The following PITPNC1 variants were observed in gnomAD, a reference collection of about 807,000 sequenced individuals.
PITPNC1 encodes the protein phosphatidylinositol transfer protein cytoplasmic 1.
A neutral mutation model predicts 44.7 loss-of-function variants in PITPNC1; 18 were observed. The observed-to-expected ratio is 0.40, with a 90% CI of 0.28 to 0.60. The LOEUF is 0.60. PITPNC1 is among the 20% of genes least tolerant of loss of function. The pLI, the probability that PITPNC1 is intolerant of heterozygous loss-of-function variation, is 0.39. For missense variants in PITPNC1, 290 were observed against 418.4 expected, an observed-to-expected ratio of 0.69 and a Z score of 2.68; for synonymous variants, 141 against 149.6, an observed-to-expected ratio of 0.94 and a Z score of 0.42.
At chr17:67,483,174 G>A (rs756518331) in intron 1 of PITPNC1, among the ~76,000 whole-genome samples, 7 of 152,204 alleles carry the variant, frequency 4.6e-5, no homozygotes, top group Non-Finnish European at 1.0e-4. Flanking sequence ...CAGAAGAGCT[G>A]CAGAGATCAT....
intron 7 of PITPNC1, 126 bp downstream of exon 7, chr17:67,669,789 G>A: frequency 1.5e-6 from 1 of 671,028 alleles, no homozygotes; most frequent in Non-Finnish European, 2.5e-6. Context: ...AACACTTTTT[G>A]GGCCGGTTGG....
intron 1 of PITPNC1, among the ~76,000 whole-genome samples, chr17:67,524,080 G>C (rs1490348644): frequency 6.6e-6 from 1 of 152,106 alleles, no homozygotes; most frequent in Non-Finnish European, 1.5e-5. Context: ...AAAGTGCTGG[G>C]ATTGCAGGCG....
At chr17:67,378,933 C>G (rs1035418596) in intron 1 of PITPNC1, 6 of 981,558 alleles carry the variant, frequency 6.1e-6, no homozygotes, top group Non-Finnish European at 7.3e-6. Flanking sequence ...CCGCGGCTGC[C>G]GGCTGGGGGC....
chr17:67,504,118 C>T (rs533407780), intron 1 of PITPNC1, among the ~76,000 whole-genome samples: 1 of 152,224 alleles, frequency 6.6e-6, no homozygotes, highest in African/African-American at 2.4e-5. Context: ...GACCCTGAGG[C>T]TTCTGCCTCA....
intron 2 of PITPNC1, among the ~76,000 whole-genome samples, chr17:67,546,086 G>A (rs1055660949): frequency 6.6e-6 from 1 of 151,588 alleles, no homozygotes; most frequent in Non-Finnish European, 1.5e-5. Context: ...CCAGCTACTC[G>A]GGAGGCTGAG....
chr17:67,489,566 G>A (rs2099374), intron 1 of PITPNC1, among the ~76,000 whole-genome samples: 19,254 of 152,044 alleles, frequency 0.13, 1,380 homozygotes, highest in Middle Eastern at 0.2. Flanking sequence ...CTCTGATCCC[G>A]CCTCTAGAGA....
chr17:67,630,630 T>C (rs1022497392), intron 5 of PITPNC1, among the ~76,000 whole-genome samples: 53 of 152,034 alleles, frequency 3.5e-4, no homozygotes, highest in African/African-American at 1.3e-3. Context: ...CTGTTTATCA[T>C]CCTGCAGAAG....
At chr17:67,633,004 C>A (rs2041990218) in intron 6 of PITPNC1, among the ~76,000 whole-genome samples, 1 of 152,242 alleles carries the variant, frequency 6.6e-6, no homozygotes, top group African/African-American at 2.4e-5. Flanking sequence ...TTCTTTCTGT[C>A]TGGTTTTCAA....
chr17:67,659,810 G>T (rs2042317271), intron 6 of PITPNC1, among the ~76,000 whole-genome samples: 1 of 151,964 alleles, frequency 6.6e-6, no homozygotes, highest in African/African-American at 2.4e-5. Flanking sequence ...AACACATACA[G>T]CTTGATGATT....
At chr17:67,607,636 T>C (rs1377744004) in intron 5 of PITPNC1, among the ~76,000 whole-genome samples, 18 of 152,116 alleles carry the variant, frequency 1.2e-4, no homozygotes, top group African/African-American at 4.3e-4. Flanking sequence ...CTTTGTCTCT[T>C]CCTCTCCATA....
At chr17:67,539,095 CAAAAT>C (rs1007692297) in intron 2 of PITPNC1, among the ~76,000 whole-genome samples, 1 of 151,592 alleles carries the variant, frequency 6.6e-6, no homozygotes, top group Non-Finnish European at 1.5e-5. Flanking sequence ...TTGGAAAACA[CAAAAT>C]AAAAAAGCAA....
intron 6 of PITPNC1, among the ~76,000 whole-genome samples, chr17:67,651,634 A>C (rs1292884328): frequency 6.6e-6 from 1 of 152,162 alleles, no homozygotes; most frequent in Non-Finnish European, 1.5e-5. Context: ...ACCACAATCA[A>C]ATGTAAAACA....
In PITPNC1 at chr17:67,486,805, G is replaced by A. The variant is rs115859287; in HGVS notation, c.49-45997G>A. Among the ~76,000 whole-genome samples, 494 of 152,220 alleles carry A rather than the reference G, an allele frequency of 3.2e-3. 5 individuals carry two copies. The highest frequency in any genetic ancestry group is 0.011 in the African/African-American group (475 of 41,558). On this transcript the variant is annotated intron_variant, in intron 1 of 8. Coordinates refer to ENST00000581322, the MANE Select transcript of PITPNC1 (RefSeq NM_012417.4). ...CTTTCAGGGTGTCTCCTGGAGTCCC[G>A]AGTGTGGCATGTTCTGCATTCAAGA...
At chr17:67,609,002 C>T (rs1262699055) in intron 5 of PITPNC1, among the ~76,000 whole-genome samples, 5 of 151,336 alleles carry the variant, frequency 3.3e-5, no homozygotes, top group African/African-American at 1.2e-4. Context: ...TGCATGGCTT[C>T]CCTGTGATTT....
At chr17:67,562,932 C>T (rs2040924690) in intron 4 of PITPNC1, among the ~76,000 whole-genome samples, 2 of 152,162 alleles carry the variant, frequency 1.3e-5, no homozygotes, top group Admixed American at 6.5e-5. Flanking sequence ...GATCTAGGTT[C>T]TACCAACTGT....
chr17:67,584,837 G>A (rs886250181), intron 5 of PITPNC1, among the ~76,000 whole-genome samples: 2 of 151,046 alleles, frequency 1.3e-5, no homozygotes, highest in African/African-American at 2.4e-5. Context: ...CCTCCAGGCC[G>A]GTTGCAGTGG....
chr17:67,533,003 A>G (rs2040483721), intron 2 of PITPNC1, 53 bp downstream of exon 2: 1 of 1,472,232 alleles, frequency 6.8e-7, no homozygotes, highest in African/African-American at 1.4e-5. Context: ...ACCTGACCCC[A>G]TGGTGTGACA....
chr17:67,476,841 C>T (rs1249950314), intron 1 of PITPNC1, among the ~76,000 whole-genome samples: 4 of 152,074 alleles, frequency 2.6e-5, no homozygotes, highest in Admixed American at 1.3e-4. Flanking sequence ...TGATTCTAAC[C>T]TGCTGCCTGG....
intron 1 of PITPNC1, among the ~76,000 whole-genome samples, chr17:67,527,611 GAATTTCTTA>G (rs2040407171): frequency 6.6e-6 from 1 of 152,152 alleles, no homozygotes; most frequent in Non-Finnish European, 1.5e-5. Context: ...GCTGAGCAGA[GAATTTCTTA>G]AACCCAGGAG....
Sources: allele counts gnomAD v4.1 joint callset (sites outside exome capture counted in the v4.1 genomes callset), GRCh38; gene constraint gnomAD v4.1.1; transcripts MANE v1.5; gene names NCBI Gene and HGNC (gene_info 2026-07-23, HGNC 2026-07-21).